The following TGFB3 variants were observed in gnomAD, a reference collection of about 807,000 sequenced individuals.
TGFB3 encodes transforming growth factor beta-3 proprotein.
TGFB3 carries 5 observed loss-of-function variants against 40.1 expected under a neutral mutation model. That is an observed-to-expected ratio of 0.12 (90% CI 0.07 to 0.26). The LOEUF (loss-of-function observed/expected upper bound fraction) is 0.26, where lower values mean the gene tolerates loss of function less well. TGFB3 is among the 10% of genes least tolerant of loss of function. The pLI is 1.00. For missense variants in TGFB3, 373 were observed against 530.1 expected (o/e 0.70, Z 2.91); for synonymous variants, 184 against 205.6 (o/e 0.89, Z 0.90).
chr14:75,976,285 T>G (rs890961286), intron 1 of TGFB3, among the ~76,000 whole-genome samples: 1 of 152,156 alleles, frequency 6.6e-6, no homozygotes, highest in Non-Finnish European at 1.5e-5. Flanking sequence ...TCCCCAGCAG[T>G]TCTGACTACA....
chr14:75,979,703 C>A lies in TGFB3; in HGVS notation c.352+839G>T, dbSNP rs930624318. On this transcript the variant is annotated intron_variant, in intron 1 of 6. Coordinates refer to ENST00000238682, the MANE Select transcript of TGFB3 (RefSeq NM_003239.5). The surrounding 1 kb of genome is among the most constrained non-coding windows in gnomAD (Gnocchi z 4.8). ...GGCAGGCTCCCAGACATATCCCCCC[C>A]CCCCACCATGCACCCACTGCCACCC... Among the ~76,000 whole-genome samples the A allele has an allele frequency of 8.6e-5, 13 of 150,572 alleles. No homozygotes were observed. The highest frequency in any genetic ancestry group is 2.1e-4 in the South Asian group (1 of 4,754).
chr14:75,959,207 T>C lies in TGFB3; in HGVS notation c.1219A>G (p.Lys407Glu), dbSNP rs1248127840. 6.2e-7 allele frequency: 1 copy of C among 1,614,164 alleles called. No homozygotes were observed. The highest frequency in any genetic ancestry group is 8.5e-7 in the Non-Finnish European group (1 of 1,180,038). The change falls in exon 7 of 7, where the codon AAG becomes GAG. Residue 407 changes from lysine (K) to glutamate (E), a missense_variant. Transcript: ENST00000238682. ...KVEQLSNMVV[K>E]SCKCS ...GGGTCTCAGCTACATTTACAAGACTTCACCACCATGTTGGAGAGCTGCTCC... is the reference window on the plus strand; with the variant it reads ...GGGTCTCAGCTACATTTACAAGACTCCACCACCATGTTGGAGAGCTGCTCC...
chr14:75,982,285 G>A (rs1227263631), upstream of TGFB3, among the ~76,000 whole-genome samples: 1 of 152,060 alleles, frequency 6.6e-6, no homozygotes, highest in African/African-American at 2.4e-5. The surrounding 1 kb of genome is among the most constrained non-coding windows in gnomAD (Gnocchi z 4.0). Context: ...CAGCCCCGGC[G>A]CCCTCTCGCC....
Position 75,971,229 on chromosome 14 carries a change from G to A in TGFB3, c.543C>T (p.Ala181=). The change falls in exon 3 of 7, where the codon GCC becomes GCT. Residue 181 remains alanine (A), a synonymous_variant. Coordinates refer to ENST00000238682, the MANE Select transcript of TGFB3 (RefSeq NM_003239.5). This position sits in a 1 kb window ranked among gnomAD's most constrained non-coding sequence, Gnocchi z 4.5. ...TCTTGCCACCGATATAGCGCTGTTT[G>A]GCAATGTGCTCATCTGGCCGAAGGA... ...FQILRPDEHI[A]KQRYIGGKNL... 6.2e-7 allele frequency: 1 copy of A among 1,614,180 alleles called. No homozygotes were observed. The highest frequency in any genetic ancestry group is 2.2e-5 in the East Asian group (1 of 44,884).
rs754898843 is a variant in TGFB3 at position 75,971,253 on chromosome 14, G to A, written c.519C>T (p.Ile173=). 28 of 1,614,146 alleles carry A rather than the reference G, an allele frequency of 1.7e-5. 1 individual carries two copies. The South Asian group carries it at 3.0e-4, about 17-fold the overall frequency. The change falls in exon 3 of 7, where the codon ATC becomes ATT. Residue 173 remains isoleucine (I), a splice_region_variant and synonymous_variant. Transcript: ENST00000238682. The surrounding 1 kb of genome is among the most constrained non-coding windows in gnomAD (Gnocchi z 4.5). ...RNEQRIELFQ[I]LRPDEHIAKQ... ...TGGCAATGTGCTCATCTGGCCGAAG[G>A]ATCTACAGGGCAGAGAAAGGAGTGA... is the stretch of plus-strand genomic sequence containing the variant.
At chr14:75,964,665 A>G (rs1431663665) in intron 4 of TGFB3, among the ~76,000 whole-genome samples, 1 of 152,210 alleles carries the variant, frequency 6.6e-6, no homozygotes, top group Non-Finnish European at 1.5e-5. Context: ...GACCTGGATC[A>G]CAAATCCCTT....
rs968502049 is a variant in TGFB3, at chr14:75,981,925, T to C, written c.-1032A>G. Among the ~76,000 whole-genome samples, 1 of 139,560 alleles carries C rather than the reference T, an allele frequency of 7.2e-6. No homozygotes were observed. The allele number at this position is 139,560 out of a possible 152,430, so 91.6% of individuals were successfully genotyped here. ...CTCTCTGCTTCCCTCCCTTTCTCTC[T>C]CTCCCTCTCCCTCTCCCTCTCGCTC... On this transcript the variant is annotated 5_prime_UTR_variant, in exon 1 of 7. Transcript: ENST00000238682. This position sits in a 1 kb window ranked among gnomAD's most constrained non-coding sequence, Gnocchi z 4.7.
rs368004396 is a variant in TGFB3 at position 75,971,192 on chromosome 14, G to A, written c.580C>T (p.Arg194Trp). 6.8e-6 allele frequency: 11 copies of A among 1,614,044 alleles called. No individual in the cohort carries two copies. The highest frequency in any genetic ancestry group is 8.5e-6 in the Non-Finnish European group (10 of 1,180,034). ...AAGGACAGCCACTCGGCAGTGCCCC[G>A]TGTGGGCAGATTCTTGCCACCGATA... ...RYIGGKNLPT[R>W]GTAEWLSFDV... Residue 194 changes from arginine to tryptophan, a missense_variant, in exon 3 of 7, where the codon CGG becomes TGG. Coordinates refer to ENST00000238682, the MANE Select transcript of TGFB3 (RefSeq NM_003239.5). The surrounding 1 kb of genome is among the most constrained non-coding windows in gnomAD (Gnocchi z 4.5).
At chr14:75,974,433 C>T (rs535411999) in intron 1 of TGFB3, among the ~76,000 whole-genome samples, 4 of 152,118 alleles carry the variant, frequency 2.6e-5, no homozygotes, top group East Asian at 1.9e-4. Flanking sequence ...AGTCATGTGG[C>T]GCAACCCTCT....
Position 75,978,043 on chromosome 14 carries a change from C to G in TGFB3, c.352+2499G>C, listed in dbSNP as rs2035376103. Among the ~76,000 whole-genome samples the G allele has an allele frequency of 6.6e-6, 1 of 152,110 alleles. No individual in the cohort carries two copies. Among genetic ancestry groups the G allele is most frequent in the Non-Finnish European group, 1.5e-5 (1 of 68,034 alleles). On this transcript the variant is annotated intron_variant, in intron 1 of 6. Coordinates refer to ENST00000238682, the MANE Select transcript of TGFB3 (RefSeq NM_003239.5). This position sits in a 1 kb window ranked among gnomAD's most constrained non-coding sequence, Gnocchi z 5.0. ...TCTCACCTTGGTGCCCTTTCTCCTG[C>G]ACTACTAAAAAGTATTTCCTCTTTC...
In TGFB3 at chr14:75,964,916, G is replaced by A. The variant is rs533605226; in HGVS notation, c.754+672C>T. On this transcript the variant is annotated intron_variant, in intron 4 of 6. Coordinates refer to ENST00000238682, the MANE Select transcript of TGFB3 (RefSeq NM_003239.5). ...CCCAGACAAGCCTCTGACCTCAGGCGTTCCGCAGTTACCCAAAATGGGAAT... is the reference window on the plus strand; with the variant it reads ...CCCAGACAAGCCTCTGACCTCAGGCATTCCGCAGTTACCCAAAATGGGAAT... Among the ~76,000 whole-genome samples, 12 of 152,288 alleles carry A rather than the reference G, an allele frequency of 7.9e-5. No individual in the cohort carries two copies. The South Asian group carries it at 1.0e-3, about 13-fold the overall frequency.
chr14:75,960,037 G>A (rs2035136404), intron 6 of TGFB3, among the ~76,000 whole-genome samples: 1 of 142,668 alleles, frequency 7.0e-6, no homozygotes, highest in Admixed American at 7.7e-5. Flanking sequence ...CCGCCTCCTG[G>A]GTTCAAGCGA....
rs1400457299 is a variant in TGFB3, at chr14:75,971,292, G to A, written c.517-37C>T. On this transcript the variant is annotated intron_variant, in intron 2 of 6. Transcript: ENST00000238682. The surrounding 1 kb of genome is among the most constrained non-coding windows in gnomAD (Gnocchi z 4.5). ...AGAAAGGAGTGAGTACCCGAGACCA[G>A]GACAGAGTGCCCCAGAAGATGTCAC... 6.2e-6 allele frequency: 10 copies of A among 1,613,724 alleles called. No individual in the cohort carries two copies. Among genetic ancestry groups the A allele is most frequent in the Non-Finnish European group, 6.8e-6 (8 of 1,179,920 alleles).
intron 3 of TGFB3, chr14:75,970,744 A>AG (rs1299937443): frequency 1.1e-4 from 34 of 323,398 alleles, no homozygotes; most frequent in Non-Finnish European, 2.4e-5. Context: ...TTTCCACTTG[A>AG]GGGCCTGGGC....
At chr14:75,969,321 AGAAG>A (rs2035258925) in intron 3 of TGFB3, among the ~76,000 whole-genome samples, 1 of 152,184 alleles carries the variant, frequency 6.6e-6, no homozygotes, top group Non-Finnish European at 1.5e-5. Context: ...CAAGAGGAAG[AGAAG>A]GAACAGATGG....
chr14:75,973,002 G>C (rs2268624), intron 1 of TGFB3, among the ~76,000 whole-genome samples: 117,385 of 152,150 alleles, frequency 0.77, 45,853 homozygotes, highest in Non-Finnish European at 0.83. Flanking sequence ...TCCACAAGAT[G>C]TGGGCAGCGA....
chr14:75,963,058 T>A, intron 5 of TGFB3: 1 of 580,904 alleles, frequency 1.7e-6, no homozygotes, highest in East Asian at 3.0e-5. Context: ...GCAACACTCC[T>A]CCTCACAGAG....
chr14:75,978,408 G>A lies in TGFB3; in HGVS notation c.352+2134C>T, dbSNP rs141361073. ...TGTGCCTTGTGTGTCTGCCTCTCTG[G>A]GGTGGGCTCAGCACCCGACCAGCTG... On this transcript the variant is annotated intron_variant, in intron 1 of 6. Transcript: ENST00000238682. This position sits in a 1 kb window ranked among gnomAD's most constrained non-coding sequence, Gnocchi z 5.0. Among the ~76,000 whole-genome samples, 231 of 152,268 alleles carry A rather than the reference G, an allele frequency of 1.5e-3. No individual in the cohort carries two copies. Among genetic ancestry groups the A allele is most frequent in the Non-Finnish European group, 2.8e-3 (192 of 68,032 alleles).
intron 1 of TGFB3, among the ~76,000 whole-genome samples, chr14:75,972,676 C>T (rs1328686191): frequency 2.6e-5 from 4 of 151,974 alleles, no homozygotes; most frequent in Non-Finnish European, 5.9e-5. Context: ...AAGAGGGGCC[C>T]GAAACAGCAG....
Sources: allele counts gnomAD v4.1 joint callset (sites outside exome capture counted in the v4.1 genomes callset), GRCh38; gene constraint gnomAD v4.1.1; non-coding constraint Gnocchi (gnomAD v3.1); transcripts MANE v1.5; gene names NCBI Gene and HGNC (gene_info 2026-07-23, HGNC 2026-07-21).